FCF1: variants seen among roughly 807,000 people sequenced by gnomAD.
FCF1 encodes rRNA-processing protein FCF1 homolog.
Under a neutral mutation model 32.5 loss-of-function variants are expected in FCF1, and 17 were observed. The ratio of observed to expected loss-of-function variants is 0.52; its 90% CI spans 0.36 to 0.78. The LOEUF (loss-of-function observed/expected upper bound fraction) is 0.78. Ranked by LOEUF, FCF1 falls within the 30% of genes least tolerant of loss-of-function variation. FCF1 has a pLI of 0.00. For synonymous variants in FCF1, 84 were observed against 78.4 expected (o/e 1.07, Z -0.38); for missense variants, 201 against 241.1 (o/e 0.83, Z 1.10).
intron 4 of FCF1, 83 bp downstream of exon 4, chr14:74,716,182 GT>G: frequency 1.5e-6 from 2 of 1,358,826 alleles, no homozygotes; most frequent in East Asian, 4.6e-5. Context: ...GGGAGATGGG[GT>G]TCTTGTTAAC....
Position 74,732,581 on chromosome 14 carries a change from C to A in FCF1, c.366-150C>A, listed in dbSNP as rs181373038. The A allele has an allele frequency of 1.4e-4, 84 of 612,772 alleles. No homozygotes were observed. The East Asian group carries it at 2.3e-3, about 16-fold the overall frequency. 38.0% of individuals were successfully genotyped at this position (612,772 alleles called of 1,614,324 possible). ...ACTAGCTGTCAGCCTTCATTCCCTG[C>A]CCCGTGAATTGTCTTTCCAGTTAGA... On this transcript the variant is annotated intron_variant, in intron 5 of 7. Transcript: ENST00000341162.
rs748852936 is a variant in FCF1 at position 74,734,957 on chromosome 14, T to C, written c.*27T>C. On this transcript the variant is annotated 3_prime_UTR_variant, in exon 8 of 8. Transcript: ENST00000341162. Reference sequence around the variant, plus strand: ...TCTTACAAGACACAGTTCCTCTGCCTTTCTTCGACCAACTTTCTCTTGTTG... The same window carrying C: ...TCTTACAAGACACAGTTCCTCTGCCCTTCTTCGACCAACTTTCTCTTGTTG... 29 of 1,598,336 alleles carry C rather than the reference T, an allele frequency of 1.8e-5. No individual in the cohort carries two copies. The highest frequency in any genetic ancestry group is 2.5e-5 in the Non-Finnish European group (29 of 1,166,026).
Position 74,737,756 on chromosome 14 carries a change from G to A in FCF1, c.*2826G>A, listed in dbSNP as rs537187826. 3.3e-5 allele frequency: 5 copies of A among 152,332 alleles called. No homozygotes were observed. In the South Asian group the frequency reaches 1.0e-3, roughly 32 times the overall value. The allele number at this position is 152,332 out of a possible 1,614,324, so 9.4% of individuals were successfully genotyped here. Reference sequence around the variant, plus strand: ...CCAACACTTTGGGAGGCCAAGGTGGGCGGATCACCTGAGGTCAGGAGCCCA... The same window carrying A: ...CCAACACTTTGGGAGGCCAAGGTGGACGGATCACCTGAGGTCAGGAGCCCA... On this transcript the variant is annotated 3_prime_UTR_variant, in exon 8 of 8. Transcript: ENST00000341162.
intron 4 of FCF1, among the ~76,000 whole-genome samples, chr14:74,717,148 G>A (rs1442759874): frequency 2.0e-5 from 3 of 151,976 alleles, no homozygotes; most frequent in Non-Finnish European, 2.9e-5. Context: ...TCATGAGGTC[G>A]AGATCGAGAC....
chr14:74,724,438 C>A (rs2090548777), intron 5 of FCF1, among the ~76,000 whole-genome samples: 1 of 152,072 alleles, frequency 6.6e-6, no homozygotes, highest in African/African-American at 2.4e-5. Flanking sequence ...GCATGCAACA[C>A]CTCACATGGC....
intron 4 of FCF1, among the ~76,000 whole-genome samples, chr14:74,722,513 A>AT (rs537278819): frequency 3.0e-4 from 45 of 151,932 alleles, no homozygotes; most frequent in East Asian, 9.7e-4. Context: ...AGGGATGATG[A>AT]TTTTTTTTTA....
intron 4 of FCF1, among the ~76,000 whole-genome samples, chr14:74,722,300 A>G (rs370028413): frequency 7.2e-5 from 11 of 152,050 alleles, no homozygotes; most frequent in African/African-American, 2.4e-4. Flanking sequence ...CGCCTGCCTC[A>G]GCCTCCCAAA....
At chr14:74,713,242 T>G (rs2090357114) in intron 1 of FCF1, 42 bp downstream of exon 1, 23 of 1,613,958 alleles carry the variant, frequency 1.4e-5, no homozygotes, top group Non-Finnish European at 1.9e-5. Context: ...TCAGGCCACT[T>G]TTTGGGTGGA....
chr14:74,731,909 GT>G lies in FCF1; in HGVS notation c.366-817del, dbSNP rs533339060. 2.8e-3 allele frequency among the ~76,000 whole-genome samples: 426 copies of G among 152,138 alleles called. 1 individual carries two copies. Among genetic ancestry groups the G allele is most frequent in the Non-Finnish European group, 3.6e-3 (247 of 68,020 alleles). On this transcript the variant is annotated intron_variant, in intron 5 of 7. Transcript: ENST00000341162. ...GCTCTCAGAATCACACAGAGTTGGGGTTTTTCTTTTTCAAATATGTATGAAA... is the reference window on the plus strand; with the variant it reads ...GCTCTCAGAATCACACAGAGTTGGGGTTTTCTTTTTCAAATATGTATGAAA...
intron 7 of FCF1, 123 bp from the exon 8 acceptor site, chr14:74,734,758 AT>A: frequency 1.4e-6 from 1 of 737,278 alleles, no homozygotes; most frequent in Middle Eastern, 2.4e-4. Context: ...GTTCCCCTAA[AT>A]TGTTTCCACT....
At chr14:74,726,465 G>A (rs982327732) in intron 5 of FCF1, among the ~76,000 whole-genome samples, 1 of 151,716 alleles carries the variant, frequency 6.6e-6, no homozygotes, top group African/African-American at 2.4e-5. Context: ...GCGAGACCCT[G>A]TCTCAAAAAA....
Position 74,713,204 on chromosome 14 carries a change from A to C in FCF1, c.3+4A>C, listed in dbSNP as rs1307298852. The C allele has an allele frequency of 6.2e-7, 1 of 1,614,224 alleles. No homozygotes were observed. The highest frequency in any genetic ancestry group is 8.5e-7 in the Non-Finnish European group (1 of 1,180,052). On this transcript the variant is annotated splice_donor_region_variant and intron_variant, in intron 1 of 7. Transcript: ENST00000341162. The stretch of plus-strand genomic sequence containing the variant: ...CCAGGAGTTTGGCGTGACCATGGTG[A>C]GAGAAGACGGTCCAAGAAGGGACGT...
At chr14:74,726,708 A>G (rs1208209987) in intron 5 of FCF1, among the ~76,000 whole-genome samples, 1 of 151,870 alleles carries the variant, frequency 6.6e-6, no homozygotes, top group Non-Finnish European at 1.5e-5. Context: ...TGCACCCACT[A>G]ACTCGTCATC....
chr14:74,731,546 G>A (rs1024080636), intron 5 of FCF1, among the ~76,000 whole-genome samples: 2 of 152,046 alleles, frequency 1.3e-5, no homozygotes, highest in African/African-American at 2.4e-5. Flanking sequence ...CATCACACTC[G>A]TCAGCCTGGC....
At chr14:74,723,918 GACAT>G (rs774870385) in intron 5 of FCF1, among the ~76,000 whole-genome samples, 7 of 151,508 alleles carry the variant, frequency 4.6e-5, no homozygotes, top group Middle Eastern at 3.2e-3. Flanking sequence ...AAAGTAAACA[GACAT>G]ACATAATCAA....
rs994098955 is a variant in FCF1, at chr14:74,735,076, A to G, written c.*146A>G. Reference sequence around the variant, plus strand: ...ATTTATTATTTAGGTGCACCAGCCCAGTCAGATTAACATCCAAAGGACTGA... The same window carrying G: ...ATTTATTATTTAGGTGCACCAGCCCGGTCAGATTAACATCCAAAGGACTGA... On this transcript the variant is annotated 3_prime_UTR_variant, in exon 8 of 8. Transcript: ENST00000341162. 3.1e-6 allele frequency: 2 copies of G among 641,282 alleles called. No individual in the cohort carries two copies. Among genetic ancestry groups the G allele is most frequent in the Non-Finnish European group, 5.5e-6 (2 of 362,846 alleles). 39.7% of individuals were successfully genotyped at this position (641,282 alleles called of 1,614,324 possible). A position where few individuals can be genotyped will look rare whatever the true frequency, so the allele number is the denominator to read the frequency against.
At chr14:74,727,820 A>C (rs1396438856) in intron 5 of FCF1, among the ~76,000 whole-genome samples, 3 of 151,980 alleles carry the variant, frequency 2.0e-5, no homozygotes, top group African/African-American at 4.8e-5. Flanking sequence ...TCAGCTTTCT[A>C]CATATGGCTA....
At chr14:74,730,206 CTTTTTTTTTTTT>C (rs869067896) in intron 5 of FCF1, among the ~76,000 whole-genome samples, 2 of 109,392 alleles carry the variant, frequency 1.8e-5, no homozygotes, top group South Asian at 5.8e-4. Context: ...TGTGTATATG[CTTTTTTTTTTTT>C]TTTTTTTTTT....
At chr14:74,713,328 A>G in intron 1 of FCF1, 128 bp downstream of exon 1, 1 of 1,596,818 alleles carries the variant, frequency 6.3e-7, no homozygotes, top group Non-Finnish European at 8.6e-7. Context: ...TTAGCTCTTA[A>G]ACTTCTCCAA....
Sources: allele counts gnomAD v4.1 joint callset (sites outside exome capture counted in the v4.1 genomes callset), GRCh38; gene constraint gnomAD v4.1.1; transcripts MANE v1.5; gene names NCBI Gene and HGNC (gene_info 2026-07-23, HGNC 2026-07-21).